The following ZSCAN25 variants were observed in gnomAD, a reference collection of about 807,000 sequenced individuals.
ZSCAN25 encodes zinc finger and SCAN domain containing 25.
Under a neutral mutation model 38.7 loss-of-function variants are expected in ZSCAN25, and 27 were observed. That is an observed-to-expected ratio of 0.70 (90% CI 0.51 to 0.96). The LOEUF (loss-of-function observed/expected upper bound fraction) is 0.96. ZSCAN25 is among the 40% of genes least tolerant of loss of function. The pLI is 0.00. For synonymous variants in ZSCAN25, 273 were observed against 277.7 expected, an observed-to-expected ratio of 0.98 and a Z score of 0.17; for missense variants, 637 against 705.9, an observed-to-expected ratio of 0.90 and a Z score of 1.11.
At chr7:99,698,643 G>T in the ZSCAN25 span, among the ~76,000 whole-genome samples, 1 of 151,940 alleles carries the variant, frequency 6.6e-6, no homozygotes, top group Non-Finnish European at 1.5e-5. Context: ...TCGCAGTCTT[G>T]TCTTAGCGAT....
the ZSCAN25 span, chr7:99,660,245 T>TTTA: frequency 1.4e-6 from 1 of 738,738 alleles, no homozygotes; most frequent in Non-Finnish European, 1.6e-6. Flanking sequence ...TTTTTTTTTT[T>TTTA]ACTTAGCATT....
At chr7:99,713,841 C>T in the ZSCAN25 span, among the ~76,000 whole-genome samples, 6 of 152,204 alleles carry the variant, frequency 3.9e-5, no homozygotes, top group African/African-American at 1.4e-4. Context: ...CACCAATGTC[C>T]ACAAAGATTA....
the ZSCAN25 span, among the ~76,000 whole-genome samples, chr7:99,724,586 C>T: frequency 4.6e-5 from 7 of 152,066 alleles, no homozygotes; most frequent in South Asian, 2.1e-4. Context: ...CTCACCAGGC[C>T]AAGCCAGGTC....
At chr7:99,665,218 G>T in the ZSCAN25 span, 2 of 1,614,066 alleles carry the variant, frequency 1.2e-6, no homozygotes, top group South Asian at 1.1e-5. Flanking sequence ...ACTTCTTAGT[G>T]CTCTCCACAA....
chr7:99,717,060 A>G, the ZSCAN25 span: 1 of 1,285,124 alleles, frequency 7.8e-7, no homozygotes, highest in South Asian at 1.2e-5. Flanking sequence ...TTGCATTACC[A>G]CAGCCCTCCT....
chr7:99,707,710 A>G, the ZSCAN25 span: 2 of 1,551,770 alleles, frequency 1.3e-6, no homozygotes, highest in African/African-American at 2.8e-5. Flanking sequence ...CCATAGAACA[A>G]ATTATTAAAA....
the ZSCAN25 span, chr7:99,638,489 G>T: frequency 2.7e-6 from 4 of 1,503,222 alleles, no homozygotes; most frequent in East Asian, 9.1e-5. Context: ...CGGTGCGGTG[G>T]CAGTCGGCAC....
rs200434920 is a variant in ZSCAN25, at chr7:99,624,192, T to C, written c.805+12T>C. ...CAGGGTCTCTCCAGGTAAGACTGTC[T>C]CCACCCACAGGTGAGGAACTGGGGA... On this transcript the variant is annotated intron_variant, in intron 7 of 7. Coordinates refer to ENST00000394152, the MANE Select transcript of ZSCAN25 (RefSeq NM_145115.3). 27 of 1,613,196 alleles carry C rather than the reference T, an allele frequency of 1.7e-5. No homozygotes were observed. In the East Asian group the frequency reaches 5.8e-4, roughly 35 times the overall value.
chr7:99,701,185 T>G, the ZSCAN25 span, among the ~76,000 whole-genome samples: 2 of 152,190 alleles, frequency 1.3e-5, no homozygotes, highest in African/African-American at 4.8e-5. Context: ...ATCCCACAAA[T>G]AAGTGAGAAC....
At chr7:99,717,193 G>T in the ZSCAN25 span, 1 of 1,613,900 alleles carries the variant, frequency 6.2e-7, no homozygotes. Context: ...AAGGTGACAG[G>T]CTTGCCTGTC....
At chr7:99,720,351 G>C in the ZSCAN25 span, 1 of 1,613,684 alleles carries the variant, frequency 6.2e-7, no homozygotes, top group African/African-American at 1.3e-5. Context: ...TCTTTCACTA[G>C]CACTGTTTTG....
chr7:99,708,109 T>A, the ZSCAN25 span: 2 of 1,210,346 alleles, frequency 1.7e-6, no homozygotes, highest in South Asian at 1.3e-5. Context: ...GTCACTGAAA[T>A]CCTGCTATGC....
chr7:99,663,496 G>T, the ZSCAN25 span: 3 of 990,196 alleles, frequency 3.0e-6, no homozygotes, highest in African/African-American at 5.2e-5. Flanking sequence ...TTCACTCCAG[G>T]CTGTGAAACA....
the ZSCAN25 span, among the ~76,000 whole-genome samples, chr7:99,731,614 G>T: frequency 6.6e-6 from 1 of 152,242 alleles, no homozygotes; most frequent in Non-Finnish European, 1.5e-5. Flanking sequence ...AGTCACAGGG[G>T]GTCACTGAGA....
the ZSCAN25 span, among the ~76,000 whole-genome samples, chr7:99,693,647 A>G: frequency 3.9e-5 from 6 of 152,194 alleles, no homozygotes; most frequent in African/African-American, 7.2e-5. Flanking sequence ...AAGCTGCAGC[A>G]TATCAGGTGG....
chr7:99,637,641 T>C, the ZSCAN25 span, among the ~76,000 whole-genome samples: 655 of 152,332 alleles, frequency 4.3e-3, 7 homozygotes, highest in African/African-American at 0.015. Flanking sequence ...TACAATGATA[T>C]TACTCATCAT....
At chr7:99,672,633 C>T in the ZSCAN25 span, 13 of 1,613,976 alleles carry the variant, frequency 8.1e-6, no homozygotes, top group South Asian at 5.5e-5. Context: ...GTTCTGATCA[C>T]GTCGGGATCT....
chr7:99,654,998 G>A, the ZSCAN25 span, among the ~76,000 whole-genome samples: 16 of 152,076 alleles, frequency 1.1e-4, no homozygotes, highest in Admixed American at 1.0e-3. Flanking sequence ...AGATGAGTAG[G>A]TTGCAAAAAT....
chr7:99,720,584 A>G, the ZSCAN25 span: 1 of 669,888 alleles, frequency 1.5e-6, no homozygotes. Flanking sequence ...AGTCTGACAC[A>G]GGAGCCATCC....
Sources: gnomAD v4.1 joint callset for allele counts (sites outside exome capture counted in the v4.1 genomes callset) on GRCh38, gnomAD v4.1.1 for gene constraint, MANE v1.5 for transcripts, NCBI Gene and HGNC (gene_info 2026-07-23, HGNC 2026-07-21) for gene names.